DNAJC6: variants seen among roughly 807,000 people sequenced by gnomAD.
The protein encoded by DNAJC6 is DnaJ heat shock protein family (Hsp40) member C6, also known as auxilin.
DNAJC6 carries 34 observed loss-of-function variants against 110.0 expected under a neutral mutation model. The ratio of observed to expected loss-of-function variants is 0.31; its 90% CI spans 0.24 to 0.41. The LOEUF is 0.41. DNAJC6 is among the 10% of genes least tolerant of loss of function. DNAJC6 has a pLI of 1.00. For synonymous variants in DNAJC6, 406 were observed against 437.2 expected (o/e 0.93, Z 0.89); for missense variants, 1,031 against 1,207.8 (o/e 0.85, Z 2.17).
chr1:65,356,299 T>TG (rs1430451236), intron 1 of DNAJC6, among the ~76,000 whole-genome samples: 2 of 152,102 alleles, frequency 1.3e-5, no homozygotes, highest in Non-Finnish European at 2.9e-5. Context: ...CTGACAGGCA[T>TG]GGTGGCTCAT....
At chr1:65,378,076 T>C (rs1354473899) in intron 4 of DNAJC6, among the ~76,000 whole-genome samples, 1 of 136,290 alleles carries the variant, frequency 7.3e-6, no homozygotes, top group East Asian at 3.0e-4. Flanking sequence ...TATGTCCAGG[T>C]GTCCCACCAC....
chr1:65,373,895 C>T (rs1024189872), intron 4 of DNAJC6, among the ~76,000 whole-genome samples: 1 of 152,002 alleles, frequency 6.6e-6, no homozygotes, highest in African/African-American at 2.4e-5. Context: ...ATGTTTTCTT[C>T]TAGTCATTTT....
At chr1:65,311,218 T>TG (rs1553137479) in intron 1 of DNAJC6, among the ~76,000 whole-genome samples, 1 of 113,580 alleles carries the variant, frequency 8.8e-6, no homozygotes, top group Admixed American at 8.4e-5. Context: ...CAGGACTGTT[T>TG]TTTTTTTTTT....
At chr1:65,298,873 C>G (rs1481704534) in intron 1 of DNAJC6, 1 of 152,226 alleles carries the variant, frequency 6.6e-6, no homozygotes, top group Admixed American at 6.5e-5. Context: ...TTACAGAGAG[C>G]TGCAACCCCA....
rs753393302 is a variant in DNAJC6 at position 65,389,250 on chromosome 1, A to G, written c.1194-6A>G. On this transcript the variant is annotated splice_polypyrimidine_tract_variant and splice_region_variant and intron_variant, in intron 9 of 18. Coordinates refer to ENST00000371069, the MANE Select transcript of DNAJC6 (RefSeq NM_001256864.2). ...CTGAATTTATCTTTTTTAAATCCCTATTTAGGCCTGAGTTAGATGCATGTG... is the reference window on the plus strand; with the variant it reads ...CTGAATTTATCTTTTTTAAATCCCTGTTTAGGCCTGAGTTAGATGCATGTG... The G allele has an allele frequency of 1.9e-6, 3 of 1,612,088 alleles. No homozygotes were observed. Among genetic ancestry groups the G allele is most frequent in the South Asian group, 1.1e-5 (1 of 90,900 alleles).
Position 65,291,477 on chromosome 1 carries a change from C to T in DNAJC6, c.-131+26545C>T, listed in dbSNP as rs550153612. Among the ~76,000 whole-genome samples the T allele has an allele frequency of 2.6e-5, 4 of 152,246 alleles. No homozygotes were observed. The South Asian group carries it at 8.3e-4, about 32-fold the overall frequency. On this transcript the variant is annotated intron_variant, in intron 1 of 19. Coordinates refer to the DNAJC6 transcript ENST00000263441. ...TAGCATTCCTATTATTTAACATTTT[C>T]TCCAAAGCTAAAGGTGCAGAAGGAC...
chr1:65,358,482 G>T (rs1645565757), intron 1 of DNAJC6, among the ~76,000 whole-genome samples: 1 of 152,124 alleles, frequency 6.6e-6, no homozygotes, highest in South Asian at 2.1e-4. Flanking sequence ...TATTTGTGAA[G>T]ATTAAATGTG....
intron 1 of DNAJC6, among the ~76,000 whole-genome samples, chr1:65,271,624 T>C (rs748522988): frequency 2.8e-4 from 42 of 152,112 alleles, no homozygotes; most frequent in Non-Finnish European, 1.0e-4. Context: ...CCTAGCACTT[T>C]CGGAGGTGGA....
At chr1:65,338,170 A>G (rs142261519) in intron 1 of DNAJC6, among the ~76,000 whole-genome samples, 10 of 152,242 alleles carry the variant, frequency 6.6e-5, no homozygotes, top group African/African-American at 2.4e-4. Context: ...CAGAGCTAGG[A>G]GCAAATTTTT....
At chr1:65,292,231 T>C (rs1419221868) in intron 1 of DNAJC6, among the ~76,000 whole-genome samples, 4 of 151,876 alleles carry the variant, frequency 2.6e-5, no homozygotes, top group Non-Finnish European at 4.4e-5. Flanking sequence ...TTGGCCAGGC[T>C]GGTCTTGAAC....
rs1249644939 is a variant in DNAJC6 at position 65,395,020 on chromosome 1, C to T, written c.2026C>T (p.Pro676Ser). ...TCTCCAGCCAACAAGAAGTCCTTCG[C>T]CCACAGTACATGGTAAGGAAATATT... The part of the protein sequence containing the change: ...PFLQPTRSPS[P>S]TVHASSTPAV... The change falls in exon 13 of 19, where the codon CCC becomes TCC. Residue 676 changes from proline to serine, a missense_variant. Pro to Ser is a moderately conservative substitution (Grantham distance 74). Coordinates refer to ENST00000371069, the MANE Select transcript of DNAJC6 (RefSeq NM_001256864.2). The T allele has an allele frequency of 1.2e-6, 2 of 1,610,124 alleles. No homozygotes were observed. The highest frequency in any genetic ancestry group is 3.4e-5 in the Admixed American group (2 of 59,322).
At chr1:65,358,860 C>G (rs1294596100) in intron 1 of DNAJC6, among the ~76,000 whole-genome samples, 1 of 152,172 alleles carries the variant, frequency 6.6e-6, no homozygotes, top group Non-Finnish European at 1.5e-5. Context: ...TACCATCCTT[C>G]TTTTGATGAC....
At chr1:65,395,445 T>C (rs570477091) in intron 13 of DNAJC6, among the ~76,000 whole-genome samples, 6 of 152,304 alleles carry the variant, frequency 3.9e-5, no homozygotes, top group African/African-American at 1.2e-4. Context: ...AAATAAAATA[T>C]GTTAGTAGTC....
At chr1:65,370,144 C>T (rs1408459952) in intron 4 of DNAJC6, among the ~76,000 whole-genome samples, 1 of 151,992 alleles carries the variant, frequency 6.6e-6, no homozygotes, top group Non-Finnish European at 1.5e-5. Context: ...CAACAAGATG[C>T]ATCAGTTAAA....
At chr1:65,350,827 A>G in intron 1 of DNAJC6, among the ~76,000 whole-genome samples, 1 of 152,204 alleles carries the variant, frequency 6.6e-6, no homozygotes, top group East Asian at 1.9e-4. Flanking sequence ...CATTTTGGCT[A>G]TGCTAGAGCT....
At chr1:65,360,346 G>A (rs989824781) in intron 1 of DNAJC6, among the ~76,000 whole-genome samples, 7 of 152,178 alleles carry the variant, frequency 4.6e-5, no homozygotes, top group Non-Finnish European at 1.0e-4. Context: ...GCATTCCAAA[G>A]CTCTAATGAG....
chr1:65,272,060 C>T (rs1653524143), intron 1 of DNAJC6, among the ~76,000 whole-genome samples: 2 of 152,122 alleles, frequency 1.3e-5, no homozygotes, highest in South Asian at 2.1e-4. Flanking sequence ...TCCCCTTTGT[C>T]TCATTGCACT....
chr1:65,337,017 G>C (rs755157275), intron 1 of DNAJC6, among the ~76,000 whole-genome samples: 1 of 151,416 alleles, frequency 6.6e-6, no homozygotes, highest in Non-Finnish European at 1.5e-5. Context: ...TGTTGTTGTT[G>C]TTGGGAAAAA....
chr1:65,392,834 C>T lies in DNAJC6; in HGVS notation c.1872C>T (p.Thr624=). The T allele has an allele frequency of 6.5e-7, 1 of 1,541,692 alleles. No homozygotes were observed. Among genetic ancestry groups the T allele is most frequent in the Non-Finnish European group, 8.7e-7 (1 of 1,146,354 alleles). ...CACCACGCCGCTCTGCCACCTCCACCTCTGCGTCTCCAACCCTAAGAGTGG... is the reference window on the plus strand; with the variant it reads ...CACCACGCCGCTCTGCCACCTCCACTTCTGCGTCTCCAACCCTAAGAGTGG... ...QSTPRRSATS[T]SASPTLRVGE... The change falls in exon 12 of 19, where the codon ACC becomes ACT. Residue 624 remains threonine (T), a synonymous_variant. Transcript: ENST00000371069.
Sources: allele counts gnomAD v4.1 joint callset (sites outside exome capture counted in the v4.1 genomes callset), GRCh38; gene constraint gnomAD v4.1.1; transcripts MANE v1.5; gene names NCBI Gene and HGNC (gene_info 2026-07-23, HGNC 2026-07-21).